ZBTB44: variants seen among roughly 807,000 people sequenced by gnomAD.
The protein encoded by ZBTB44 is zinc finger and BTB domain containing 44.
Under a neutral mutation model 54.0 loss-of-function variants are expected in ZBTB44, and 15 were observed. The ratio of observed to expected loss-of-function variants is 0.28; its 90% CI spans 0.19 to 0.43. The LOEUF is 0.43. Among genes scored for constraint, ZBTB44 ranks in the 20% least tolerant of loss-of-function variants. The pLI is 1.00. For missense variants in ZBTB44, 487 were observed against 707.1 expected, an observed-to-expected ratio of 0.69 and a Z score of 3.53; for synonymous variants, 230 against 250.1, an observed-to-expected ratio of 0.92 and a Z score of 0.76.
At chr11:130,298,871 A>G (rs1396442711) in intron 1 of ZBTB44, among the ~76,000 whole-genome samples, 1 of 152,006 alleles carries the variant, frequency 6.6e-6, no homozygotes, top group African/African-American at 2.4e-5. Flanking sequence ...AACCATCAGT[A>G]AAGATAAAAG....
At chr11:130,285,672 T>C in intron 1 of ZBTB44, 1 of 269,646 alleles carries the variant, frequency 3.7e-6, no homozygotes, top group Non-Finnish European at 7.4e-6. Context: ...ATTTGCTGCT[T>C]CTACAATTCT....
chr11:130,293,521 T>C (rs1438447576), intron 1 of ZBTB44, among the ~76,000 whole-genome samples: 1 of 146,774 alleles, frequency 6.8e-6, no homozygotes, highest in Non-Finnish European at 1.5e-5. Context: ...GGCTCACACC[T>C]ATAATCCCAG....
intron 4 of ZBTB44, among the ~76,000 whole-genome samples, chr11:130,237,300 G>C (rs1422401718): frequency 6.6e-6 from 1 of 152,118 alleles, no homozygotes; most frequent in Non-Finnish European, 1.5e-5. Context: ...AGAAAAAAAG[G>C]CAGTAGGGGA....
At chr11:130,244,850 T>C (rs932324330) in intron 2 of ZBTB44, among the ~76,000 whole-genome samples, 1 of 152,124 alleles carries the variant, frequency 6.6e-6, no homozygotes, top group African/African-American at 2.4e-5. Flanking sequence ...ATTGCTGTCA[T>C]TAGGAAACAG....
chr11:130,255,339 G>A (rs185749147), intron 2 of ZBTB44, among the ~76,000 whole-genome samples: 3 of 152,090 alleles, frequency 2.0e-5, no homozygotes, highest in South Asian at 4.1e-4. Flanking sequence ...CAGAAATAAC[G>A]AAGTTCTCTG....
At chr11:130,235,322 T>C (rs1954061738) in intron 5 of ZBTB44, among the ~76,000 whole-genome samples, 1 of 152,172 alleles carries the variant, frequency 6.6e-6, no homozygotes, top group Admixed American at 6.5e-5. Flanking sequence ...AAAGATAACA[T>C]GAGTAGTTAA....
intron 1 of ZBTB44, among the ~76,000 whole-genome samples, chr11:130,311,881 A>G (rs1215810758): frequency 6.6e-6 from 1 of 152,176 alleles, no homozygotes; most frequent in African/African-American, 2.4e-5. Context: ...CAAGACACAC[A>G]ATAGTCAGCT....
intron 1 of ZBTB44, among the ~76,000 whole-genome samples, chr11:130,273,085 C>A (rs938301531): frequency 6.6e-6 from 1 of 152,258 alleles, no homozygotes. Flanking sequence ...TTTACAAAGT[C>A]AGCAAGGATT....
intron 1 of ZBTB44, among the ~76,000 whole-genome samples, chr11:130,278,674 C>T (rs770981806): frequency 1.4e-4 from 21 of 152,158 alleles, no homozygotes; most frequent in Non-Finnish European, 2.4e-4. Context: ...GATCTATGTT[C>T]GAATTCACTA....
At chr11:130,233,076 G>T (rs1283274634) in intron 7 of ZBTB44, 8 of 430,062 alleles carry the variant, frequency 1.9e-5, no homozygotes, top group Non-Finnish European at 2.8e-5. Flanking sequence ...AGAGCACAAT[G>T]AAAACATCCC....
At chr11:130,265,106 T>C (rs1275865031) in intron 1 of ZBTB44, among the ~76,000 whole-genome samples, 1 of 152,148 alleles carries the variant, frequency 6.6e-6, no homozygotes, top group African/African-American at 2.4e-5. Context: ...CATTCCCCCA[T>C]CTCTCTCCTC....
intron 1 of ZBTB44, among the ~76,000 whole-genome samples, chr11:130,287,936 T>C (rs1236165757): frequency 2.8e-5 from 4 of 141,754 alleles, no homozygotes; most frequent in Admixed American, 1.4e-4. Flanking sequence ...TAAGACAACA[T>C]AGTTTTCAAG....
intron 5 of ZBTB44, among the ~76,000 whole-genome samples, chr11:130,235,859 G>A (rs561808856): frequency 1.3e-5 from 2 of 151,880 alleles, no homozygotes; most frequent in Non-Finnish European, 2.9e-5. Context: ...AATATTAGCT[G>A]GGTGTAGTGG....
intron 1 of ZBTB44, among the ~76,000 whole-genome samples, chr11:130,287,325 A>AAC (rs1421932375): frequency 6.6e-6 from 1 of 152,206 alleles, no homozygotes; most frequent in Non-Finnish European, 1.5e-5. Flanking sequence ...ATCATAAATC[A>AAC]AAGTCATTTC....
intron 2 of ZBTB44, among the ~76,000 whole-genome samples, chr11:130,251,199 A>G (rs950332685): frequency 6.6e-6 from 1 of 152,206 alleles, no homozygotes; most frequent in Non-Finnish European, 1.5e-5. Context: ...ATAACAGAGA[A>G]TGAAGATCAA....
Position 130,261,751 on chromosome 11 carries a change from G to C in ZBTB44, c.123C>G (p.Ile41Met). 1.2e-6 allele frequency: 2 copies of C among 1,614,052 alleles called. No individual in the cohort carries two copies. The highest frequency in any genetic ancestry group is 4.5e-5 in the East Asian group (2 of 44,882). Residue 41 changes from isoleucine (I) to methionine (M), a missense_variant, in exon 2 of 8, where the codon ATC becomes ATG. Around this residue, in one of 3 missense-constraint regions of ZBTB44, gnomAD observed 90 missense variants for 160.3 expected, o/e 0.56. Transcript: ENST00000357899. The surrounding 1 kb of genome is among the most constrained non-coding windows in gnomAD (Gnocchi z 4.8). ...CTAGTACCACCTTATGTGCCCGGAA[G>C]ATTTTGTCCTGGACACGAATAGTGA... ...CDITIRVQDK[I>M]FRAHKVVLAA...
chr11:130,308,283 C>T (rs955887652), intron 1 of ZBTB44, among the ~76,000 whole-genome samples: 7 of 152,316 alleles, frequency 4.6e-5, no homozygotes, highest in South Asian at 2.1e-4. Context: ...AACATATCCC[C>T]GTTGCAATCT....
intron 1 of ZBTB44, among the ~76,000 whole-genome samples, chr11:130,262,817 G>A (rs1938970940): frequency 6.6e-6 from 1 of 152,186 alleles, no homozygotes; most frequent in African/African-American, 2.4e-5. Flanking sequence ...CAGCACTTTG[G>A]GAGGCCAAGG....
intron 1 of ZBTB44, among the ~76,000 whole-genome samples, chr11:130,266,383 G>T (rs1056472226): frequency 6.6e-6 from 1 of 152,232 alleles, no homozygotes; most frequent in African/African-American, 2.4e-5. Context: ...GTACATGACT[G>T]ATGTTGTTTT....
Sources: gnomAD v4.1 joint callset for allele counts (sites outside exome capture counted in the v4.1 genomes callset) on GRCh38, gnomAD v4.1.1 for gene constraint, gnomAD v4.1.1 regional missense constraint, Gnocchi (gnomAD v3.1) non-coding constraint, MANE v1.5 for transcripts, NCBI Gene and HGNC (gene_info 2026-07-23, HGNC 2026-07-21) for gene names.